GRIK2: variants seen among roughly 807,000 people sequenced by gnomAD.
The protein encoded by GRIK2 is glutamate ionotropic receptor kainate type subunit 2.
Under a neutral mutation model 100.3 loss-of-function variants are expected in GRIK2, and 32 were observed. The observed-to-expected ratio is 0.32, with a 90% CI of 0.24 to 0.43. The LOEUF (loss-of-function observed/expected upper bound fraction) is 0.43. Among genes scored for constraint, GRIK2 ranks in the 20% least tolerant of loss-of-function variants. The probability of loss-of-function intolerance (pLI) is 1.00; values close to 1 mark genes in which losing one functional copy is unlikely to be tolerated. For synonymous variants in GRIK2, 417 were observed against 389.4 expected, an observed-to-expected ratio of 1.07 and a Z score of -0.83; for missense variants, 843 against 1,114.9, an observed-to-expected ratio of 0.76 and a Z score of 3.47.
intron 7 of GRIK2, among the ~76,000 whole-genome samples, chr6:101,780,946 C>G (rs911506884): frequency 6.6e-6 from 1 of 152,148 alleles, no homozygotes; most frequent in Non-Finnish European, 1.5e-5. Flanking sequence ...TCCTTTGACA[C>G]TCATGAAATA....
At chr6:101,415,963 C>T (rs568281537) in intron 2 of GRIK2, among the ~76,000 whole-genome samples, 2 of 152,230 alleles carry the variant, frequency 1.3e-5, no homozygotes, top group East Asian at 3.9e-4. Context: ...GTGTGTGGCA[C>T]CTAAGTCCCT....
At chr6:101,580,624 C>A (rs757256549) in intron 2 of GRIK2, among the ~76,000 whole-genome samples, 1 of 152,128 alleles carries the variant, frequency 6.6e-6, no homozygotes, top group Non-Finnish European at 1.5e-5. Flanking sequence ...TGGAAAAAGT[C>A]AAAATCCCAA....
intron 2 of GRIK2, among the ~76,000 whole-genome samples, chr6:101,453,887 C>T (rs577105621): frequency 4.7e-4 from 72 of 152,084 alleles, no homozygotes; most frequent in African/African-American, 1.7e-3. Flanking sequence ...TTGCTAAATT[C>T]TATATAAAAC....
intron 7 of GRIK2, among the ~76,000 whole-genome samples, chr6:101,782,186 T>C (rs1357159564): frequency 1.3e-5 from 2 of 152,232 alleles, no homozygotes; most frequent in African/African-American, 4.8e-5. Context: ...GCATTTACTA[T>C]TTCTCTGTGA....
intron 2 of GRIK2, among the ~76,000 whole-genome samples, chr6:101,609,752 C>T (rs1216271405): frequency 6.6e-6 from 1 of 151,634 alleles, no homozygotes; most frequent in Non-Finnish European, 1.5e-5. Context: ...GAAGAGTAAG[C>T]CATCAAAGAG....
chr6:101,838,610 C>T (rs569558755), intron 10 of GRIK2, among the ~76,000 whole-genome samples: 11 of 151,808 alleles, frequency 7.2e-5, no homozygotes, highest in African/African-American at 2.7e-4. Flanking sequence ...AAACATAATT[C>T]ATTACCAACA....
chr6:101,864,806 AT>A (rs1784950159), intron 11 of GRIK2, among the ~76,000 whole-genome samples: 1 of 152,192 alleles, frequency 6.6e-6, no homozygotes, highest in South Asian at 2.1e-4. Context: ...AATGTGTGCT[AT>A]AATGTTATCA....
In GRIK2 at chr6:101,900,107, A is replaced by G. The variant is rs987892137; in HGVS notation, c.1748+10244A>G. Reference sequence around the variant, plus strand: ...TATTACTACTTCAATTTTCAATTAGAGCTTCAATATTTAGGAAGATATTAA... The same window carrying G: ...TATTACTACTTCAATTTTCAATTAGGGCTTCAATATTTAGGAAGATATTAA... On this transcript the variant is annotated intron_variant, in intron 12 of 16. Transcript: ENST00000369134. Among the ~76,000 whole-genome samples, 3 of 152,156 alleles carry G rather than the reference A, an allele frequency of 2.0e-5. No individual in the cohort carries two copies. The East Asian group carries it at 5.8e-4, about 29-fold the overall frequency.
At chr6:101,817,629 C>T (rs1442313261) in intron 9 of GRIK2, among the ~76,000 whole-genome samples, 6 of 152,206 alleles carry the variant, frequency 3.9e-5, no homozygotes, top group Non-Finnish European at 7.3e-5. Flanking sequence ...CGTGTTTCTT[C>T]TGGAGGCTTA....
At chr6:101,709,758 A>G (rs1390989594) in intron 7 of GRIK2, among the ~76,000 whole-genome samples, 2 of 151,808 alleles carry the variant, frequency 1.3e-5, no homozygotes, top group Non-Finnish European at 2.9e-5. Flanking sequence ...TTATGGCTAT[A>G]GCAGTATCTG....
chr6:101,399,753 C>T (rs1775183338), intron 2 of GRIK2, among the ~76,000 whole-genome samples: 1 of 152,188 alleles, frequency 6.6e-6, no homozygotes, highest in Non-Finnish European at 1.5e-5. Context: ...CAAAAGTGCG[C>T]GCCGGGGCTG....
chr6:101,577,172 A>C lies in GRIK2; in HGVS notation c.116-44777A>C, dbSNP rs1296519648. ...AGTTGCATATGGATACAAAAAAAAA[A>C]CAACAACATCAGGCTAAATGTAACT... On this transcript the variant is annotated intron_variant, in intron 2 of 16. Transcript: ENST00000369134. Among the ~76,000 whole-genome samples, 3 of 151,504 alleles carry C rather than the reference A, an allele frequency of 2.0e-5. No individual in the cohort carries two copies. The South Asian group carries it at 6.3e-4, about 32-fold the overall frequency.
In GRIK2 at chr6:101,957,732, A is replaced by T. The variant is rs1261151590; in HGVS notation, c.2085+29100A>T. 5.3e-5 allele frequency among the ~76,000 whole-genome samples: 8 copies of T among 152,126 alleles called. No individual in the cohort carries two copies. In the East Asian group the frequency reaches 1.6e-3, roughly 29 times the overall value. ...TGGTGAGAGATATGGATCTAGTTTC[A>T]TTCCTCTATGTATGGCAATCCAGTT... On this transcript the variant is annotated intron_variant, in intron 14 of 16. Transcript: ENST00000369134.
chr6:101,511,452 G>T (rs1320047826), intron 2 of GRIK2, among the ~76,000 whole-genome samples: 1 of 152,098 alleles, frequency 6.6e-6, no homozygotes, highest in Non-Finnish European at 1.5e-5. Context: ...ATCTGTTATA[G>T]AGAGAGGTGA....
At chr6:101,701,069 AG>A (rs1375376890) in intron 7 of GRIK2, among the ~76,000 whole-genome samples, 1 of 152,162 alleles carries the variant, frequency 6.6e-6, no homozygotes, top group Non-Finnish European at 1.5e-5. Context: ...AATACCTTAA[AG>A]GAAGAGAGGT....
At position 102,006,390 on chromosome 6, in the gene GRIK2, A is replaced by ATATTTTTTTTTTTT. The variant is rs1315524835; in HGVS notation, c.2086-28950_2086-28949insATTTTTTTTTTTTT. On this transcript the variant is annotated intron_variant, in intron 14 of 16. Transcript: ENST00000369134. ...CTTTTATATATATATATATATATATATTTTTTTTTTTTTTGAGACATACAG... is the reference window on the plus strand; with the variant it reads ...CTTTTATATATATATATATATATATATATTTTTTTTTTTTTTTTTTTTTTTTTTGAGACATACAG... Among the ~76,000 whole-genome samples, 43 of 114,094 alleles carry ATATTTTTTTTTTTT rather than the reference A, an allele frequency of 3.8e-4. 1 individual carries two copies. The highest frequency in any genetic ancestry group is 1.9e-3 in the African/African-American group (42 of 21,908). 74.9% of individuals were successfully genotyped at this position (114,094 alleles called of 152,430 possible). A position where few individuals can be genotyped will look rare whatever the true frequency, so the allele number is the denominator to read the frequency against.
intron 2 of GRIK2, among the ~76,000 whole-genome samples, chr6:101,529,085 G>T (rs1438452166): frequency 2.6e-5 from 4 of 152,064 alleles, no homozygotes; most frequent in Non-Finnish European, 5.9e-5. Context: ...AAGTAGGAGT[G>T]CCTAGGAACC....
intron 15 of GRIK2, among the ~76,000 whole-genome samples, chr6:102,036,896 CAT>C (rs761795592): frequency 2.0e-5 from 3 of 151,254 alleles, no homozygotes; most frequent in Admixed American, 6.6e-5. Context: ...AAAGGGAAAA[CAT>C]ATTCATGATT....
intron 14 of GRIK2, among the ~76,000 whole-genome samples, chr6:102,031,733 T>C (rs557777141): frequency 1.3e-5 from 2 of 151,486 alleles, no homozygotes; most frequent in Non-Finnish European, 3.0e-5. Flanking sequence ...TTTCTGTTCC[T>C]GTGTTAATTC....
Sources: gnomAD v4.1 joint callset for allele counts (sites outside exome capture counted in the v4.1 genomes callset) on GRCh38, gnomAD v4.1.1 for gene constraint, MANE v1.5 for transcripts, NCBI Gene and HGNC (gene_info 2026-07-23, HGNC 2026-07-21) for gene names.